Variants in CADPS2 observed in about 807,000 individuals in gnomAD.
The protein encoded by CADPS2 is calcium dependent secretion activator 2.
In CADPS2, 93 loss-of-function variants were observed where a neutral mutation model predicts 172.5. The observed-to-expected ratio is 0.54, with a 90% CI of 0.46 to 0.64. The LOEUF (loss-of-function observed/expected upper bound fraction) is 0.64, where lower values mean the gene tolerates loss of function less well. CADPS2 is among the 30% of genes least tolerant of loss of function. The pLI is 0.00. For missense variants in CADPS2, 1,420 were observed against 1,565.9 expected (o/e 0.91, Z 1.57); for synonymous variants, 546 against 555.2 (o/e 0.98, Z 0.23).
chr7:122,840,283 G>A (rs1810044947), intron 1 of CADPS2, among the ~76,000 whole-genome samples: 1 of 152,086 alleles, frequency 6.6e-6, no homozygotes, highest in African/African-American at 2.4e-5. Flanking sequence ...CTGTTGTGGG[G>A]TGGGGGGAGG....
chr7:122,322,660 C>T (rs567802712), intron 29 of CADPS2, among the ~76,000 whole-genome samples: 20 of 152,284 alleles, frequency 1.3e-4, no homozygotes, highest in African/African-American at 4.3e-4. Flanking sequence ...TCACTTTTCC[C>T]CTCCCCCAAA....
chr7:122,357,328 T>TA (rs1195695335), intron 27 of CADPS2: 1 of 152,168 alleles, frequency 6.6e-6, no homozygotes, highest in Non-Finnish European at 1.5e-5. Flanking sequence ...TGCTTATTTA[T>TA]AAGTTCCATT....
At chr7:122,384,257 G>C (rs897966525) in intron 24 of CADPS2, among the ~76,000 whole-genome samples, 2 of 152,118 alleles carry the variant, frequency 1.3e-5, no homozygotes, top group African/African-American at 4.8e-5. Context: ...GCACAGAAGG[G>C]AATGCATTGT....
chr7:122,511,427 G>A (rs1177065418), intron 9 of CADPS2, among the ~76,000 whole-genome samples: 2 of 152,036 alleles, frequency 1.3e-5, no homozygotes, highest in African/African-American at 4.8e-5. Context: ...GTGATCATTT[G>A]ACCTCTTAAG....
rs576216841 is a variant in CADPS2, at chr7:122,506,939, ATTTAC to A, written c.1542+6305_1542+6309del. On this transcript the variant is annotated intron_variant, in intron 9 of 29. Transcript: ENST00000449022. ...TGTTGAGAATGATTTGCATATATTT[ATTTAC>A]TTAACAAATACTTAGTTTCTACTCA... is the stretch of plus-strand genomic sequence containing the variant. 6.4e-3 allele frequency among the ~76,000 whole-genome samples: 971 copies of A among 152,240 alleles called. 9 individuals are homozygous for A. The highest frequency in any genetic ancestry group is 0.022 in the African/African-American group (901 of 41,554).
intron 1 of CADPS2, among the ~76,000 whole-genome samples, chr7:122,781,526 A>G (rs548324742): frequency 6.6e-6 from 1 of 152,230 alleles, no homozygotes; most frequent in Non-Finnish European, 1.5e-5. Flanking sequence ...ATTTCCTTCA[A>G]CTGCTAACAA....
chr7:122,402,821 C>T (rs567402304), intron 20 of CADPS2, among the ~76,000 whole-genome samples: 1 of 152,302 alleles, frequency 6.6e-6, no homozygotes, highest in South Asian at 2.1e-4. Context: ...TGTTTTTCAA[C>T]AAATTAACTC....
At chr7:122,636,315 T>A (rs1031535254) in intron 3 of CADPS2, among the ~76,000 whole-genome samples, 1 of 152,106 alleles carries the variant, frequency 6.6e-6, no homozygotes, top group Non-Finnish European at 1.5e-5. Flanking sequence ...CTTTAGTACT[T>A]GCTTATCTGA....
At chr7:122,757,911 GA>G (rs71161440) in intron 1 of CADPS2, among the ~76,000 whole-genome samples, 5 of 150,526 alleles carry the variant, frequency 3.3e-5, no homozygotes, top group East Asian at 3.9e-4. Context: ...ATAGCACAGG[GA>G]AAAAAAAACT....
chr7:122,526,868 A>G (rs1302078694), intron 8 of CADPS2, among the ~76,000 whole-genome samples: 1 of 152,158 alleles, frequency 6.6e-6, no homozygotes, highest in Non-Finnish European at 1.5e-5. Context: ...CCATGAGGGC[A>G]AGGGCCATAT....
chr7:122,847,731 A>C (rs1175451253), intron 1 of CADPS2, among the ~76,000 whole-genome samples: 1 of 152,206 alleles, frequency 6.6e-6, no homozygotes, highest in Non-Finnish European at 1.5e-5. Context: ...GATTCAGTGC[A>C]AACCCACATA....
intron 2 of CADPS2, among the ~76,000 whole-genome samples, chr7:122,734,377 A>AAAAAAAAAAG (rs2091966368): frequency 1.0e-5 from 1 of 95,892 alleles, no homozygotes; most frequent in Non-Finnish European, 2.4e-5. Flanking sequence ...AAAAAAAAAA[A>AAAAAAAAAAG]AAAAAAAAAG....
At chr7:122,675,487 A>T (rs2082291646) in intron 2 of CADPS2, among the ~76,000 whole-genome samples, 1 of 152,178 alleles carries the variant, frequency 6.6e-6, no homozygotes, top group Non-Finnish European at 1.5e-5. Flanking sequence ...CGTGTACTAA[A>T]TTTTTTAAAA....
intron 20 of CADPS2, among the ~76,000 whole-genome samples, chr7:122,404,693 T>C (rs2046417684): frequency 6.6e-6 from 1 of 152,214 alleles, no homozygotes; most frequent in Non-Finnish European, 1.5e-5. Flanking sequence ...TTCTAACTGG[T>C]GTGAGATGGT....
intron 2 of CADPS2, among the ~76,000 whole-genome samples, chr7:122,685,844 T>G (rs1231400994): frequency 2.6e-5 from 4 of 152,216 alleles, no homozygotes; most frequent in Non-Finnish European, 5.9e-5. Flanking sequence ...AGGAAGACAG[T>G]AATTCATTCC....
chr7:122,649,333 G>A (rs1310576189), intron 3 of CADPS2, among the ~76,000 whole-genome samples: 4 of 151,958 alleles, frequency 2.6e-5, no homozygotes, highest in Non-Finnish European at 5.9e-5. Flanking sequence ...AAATGTCCAA[G>A]AAAGAATTGG....
chr7:122,446,406 A>T (rs370259678), intron 15 of CADPS2, among the ~76,000 whole-genome samples: 1 of 152,042 alleles, frequency 6.6e-6, no homozygotes, highest in East Asian at 1.9e-4. Flanking sequence ...TTGAATCTTG[A>T]TTTTAATCCC....
intron 15 of CADPS2, among the ~76,000 whole-genome samples, chr7:122,450,583 G>A (rs1406363003): frequency 7.4e-6 from 1 of 134,656 alleles, no homozygotes; most frequent in Non-Finnish European, 1.5e-5. Context: ...AGGCTGGAGT[G>A]CAGTGGTGTG....
At chr7:122,533,632 G>C (rs924893550) in intron 8 of CADPS2, among the ~76,000 whole-genome samples, 1 of 152,112 alleles carries the variant, frequency 6.6e-6, no homozygotes, top group Non-Finnish European at 1.5e-5. Context: ...GAAATATCCA[G>C]AAGTCTCATG....
Sources: gnomAD v4.1 joint callset for allele counts (sites outside exome capture counted in the v4.1 genomes callset) on GRCh38, gnomAD v4.1.1 for gene constraint, MANE v1.5 for transcripts, NCBI Gene and HGNC (gene_info 2026-07-23, HGNC 2026-07-21) for gene names.